Variants in ADAMTS17 observed in about 807,000 individuals in gnomAD.
ADAMTS17 encodes A disintegrin and metalloproteinase with thrombospondin motifs 17.
ADAMTS17 carries 113 observed loss-of-function variants against 141.5 expected under a neutral mutation model. The observed-to-expected ratio is 0.80, with a 90% CI of 0.69 to 0.93. The LOEUF (loss-of-function observed/expected upper bound fraction) is 0.93, where lower values mean the gene tolerates loss of function less well. Among genes scored for constraint, ADAMTS17 ranks in the 40% least tolerant of loss-of-function variants. The pLI, the probability that ADAMTS17 is intolerant of heterozygous loss-of-function variation, is 0.00. For synonymous variants in ADAMTS17, 768 were observed against 630.6 expected, an observed-to-expected ratio of 1.22 and a Z score of -3.27; for missense variants, 1,659 against 1,517.9, an observed-to-expected ratio of 1.09 and a Z score of -1.54.
chr15:100,046,340 C>T (rs1356266394), intron 18 of ADAMTS17, among the ~76,000 whole-genome samples: 2 of 152,170 alleles, frequency 1.3e-5, no homozygotes, highest in African/African-American at 4.8e-5. Context: ...GAAGCCAGGG[C>T]GTACTGTGAG....
rs2060818409 is a variant in ADAMTS17, at chr15:99,997,159, A to C, written c.2796+226T>G. ...ATTTTCATAGGAAATGGGATCAAAC[A>C]GTCCTTCACTGTGGTGTTGACATGT... On this transcript the variant is annotated intron_variant, in intron 19 of 21. Coordinates refer to ENST00000268070, the MANE Select transcript of ADAMTS17 (RefSeq NM_139057.4). This position sits in a 1 kb window ranked among gnomAD's most constrained non-coding sequence, Gnocchi z 4.7. Among the ~76,000 whole-genome samples the C allele has an allele frequency of 1.3e-5, 2 of 152,282 alleles. No homozygotes were observed. Among genetic ancestry groups the C allele is most frequent in the African/African-American group, 4.8e-5 (2 of 41,474 alleles).
chr15:100,121,398 T>C (rs529070850), intron 12 of ADAMTS17, among the ~76,000 whole-genome samples: 24 of 152,272 alleles, frequency 1.6e-4, no homozygotes, highest in African/African-American at 5.5e-4. Context: ...CTAAGACACA[T>C]TGTAATTAAA....
intron 8 of ADAMTS17, among the ~76,000 whole-genome samples, chr15:100,165,776 A>T (rs2039925641): frequency 6.6e-6 from 1 of 152,224 alleles, no homozygotes; most frequent in African/African-American, 2.4e-5. Context: ...GATATGAGGG[A>T]ACAAAGCCAG....
rs778009417 is a variant in ADAMTS17 at position 99,997,619 on chromosome 15, C to T, written c.2592-30G>A. The T allele has an allele frequency of 5.1e-5, 82 of 1,611,598 alleles. No homozygotes were observed. The Admixed American group carries it at 5.7e-4, about 11-fold the overall frequency. ...CAGACGGGAGGAAAGAGAGAGAGAA[C>T]GACTGGGTGAGAGGCCAGCCTCTCC... On this transcript the variant is annotated intron_variant, in intron 18 of 21. Coordinates refer to ENST00000268070, the MANE Select transcript of ADAMTS17 (RefSeq NM_139057.4). This position sits in a 1 kb window ranked among gnomAD's most constrained non-coding sequence, Gnocchi z 4.7.
At chr15:100,163,079 A>G (rs1454409362) in intron 8 of ADAMTS17, among the ~76,000 whole-genome samples, 1 of 149,792 alleles carries the variant, frequency 6.7e-6, no homozygotes, top group African/African-American at 2.5e-5. Flanking sequence ...TATACATATA[A>G]CTATATAGTT....
intron 8 of ADAMTS17, among the ~76,000 whole-genome samples, chr15:100,181,018 C>T (rs570282763): frequency 6.6e-6 from 1 of 152,328 alleles, no homozygotes; most frequent in South Asian, 2.1e-4. Context: ...TAAGCTGACA[C>T]TCAAACTAGA....
intron 15 of ADAMTS17, among the ~76,000 whole-genome samples, chr15:100,065,566 C>T (rs1462562139): frequency 1.3e-5 from 2 of 151,998 alleles, no homozygotes; most frequent in Non-Finnish European, 2.9e-5. Context: ...TTTACAAAAC[C>T]ACATTGTATG....
chr15:100,177,075 A>C (rs2040364837), intron 8 of ADAMTS17, among the ~76,000 whole-genome samples: 2 of 152,230 alleles, frequency 1.3e-5, no homozygotes, highest in Non-Finnish European at 2.9e-5. Flanking sequence ...TGTTATGAAT[A>C]TTCATGTGCA....
chr15:100,180,545 C>A (rs1284726415), intron 8 of ADAMTS17, among the ~76,000 whole-genome samples: 1 of 151,884 alleles, frequency 6.6e-6, no homozygotes, highest in Admixed American at 6.6e-5. Context: ...TTTTTTCTAT[C>A]TCTGTGAAGA....
intron 7 of ADAMTS17, among the ~76,000 whole-genome samples, chr15:100,250,686 T>C (rs1296633374): frequency 6.6e-6 from 1 of 152,104 alleles, no homozygotes; most frequent in Non-Finnish European, 1.5e-5. Context: ...TACAAAAGCA[T>C]ACCAACAAAT....
rs759581015 is a variant in ADAMTS17 at position 100,096,336 on chromosome 15, C to A, written c.2137+20G>T. On this transcript the variant is annotated intron_variant, in intron 15 of 21. Coordinates refer to ENST00000268070, the MANE Select transcript of ADAMTS17 (RefSeq NM_139057.4). ...ACACAAAACACTGTAGCCACAGCAG[C>A]CCCATGGGCCAACACTCACCTGTCC... 3 of 1,612,494 alleles carry A rather than the reference C, an allele frequency of 1.9e-6. No homozygotes were observed. The highest frequency in any genetic ancestry group is 2.5e-6 in the Non-Finnish European group (3 of 1,180,044).
intron 20 of ADAMTS17, among the ~76,000 whole-genome samples, chr15:99,984,216 C>G (rs2060537556): frequency 6.6e-6 from 1 of 152,204 alleles, no homozygotes; most frequent in African/African-American, 2.4e-5. Flanking sequence ...CGATGGCCTG[C>G]AGGGGCCGGG....
At chr15:100,158,132 C>T (rs907114517) in intron 8 of ADAMTS17, among the ~76,000 whole-genome samples, 4 of 152,132 alleles carry the variant, frequency 2.6e-5, no homozygotes, top group Non-Finnish European at 5.9e-5. Flanking sequence ...TGTGATCCGC[C>T]CGCCTCGGCC....
intron 3 of ADAMTS17, among the ~76,000 whole-genome samples, chr15:100,297,808 G>C (rs4965627): frequency 0.65 from 98,596 of 152,016 alleles, 33,284 homozygotes; most frequent in African/African-American, 0.84. Context: ...AGTTCCAGAC[G>C]AATCCTTTAG....
chr15:99,992,429 G>T (rs59036225), intron 20 of ADAMTS17, among the ~76,000 whole-genome samples: 4,259 of 152,236 alleles, frequency 0.028, 203 homozygotes, highest in African/African-American at 0.096. Flanking sequence ...GTGGCAGTGG[G>T]GCTCACCTTG....
chr15:100,089,542 T>C (rs938911481), intron 15 of ADAMTS17, among the ~76,000 whole-genome samples: 22 of 151,650 alleles, frequency 1.5e-4, no homozygotes, highest in African/African-American at 4.4e-4. Context: ...CATATGTTTA[T>C]TGTGGCACTA....
At position 99,997,710 on chromosome 15, in the gene ADAMTS17, G is replaced by T; in HGVS notation, c.2592-121C>A. 1 of 1,287,146 alleles carries T rather than the reference G, an allele frequency of 7.8e-7. No individual in the cohort carries two copies. 79.7% of individuals were successfully genotyped at this position (1,287,146 alleles called of 1,614,324 possible). On this transcript the variant is annotated intron_variant, in intron 18 of 21. Transcript: ENST00000268070. This position sits in a 1 kb window ranked among gnomAD's most constrained non-coding sequence, Gnocchi z 4.7. ...GTGGGAGAGAGGGAGGCAGACTCAGGAAGCTTTTCAGCCAACCCTGGACAT... is the reference window on the plus strand; with the variant it reads ...GTGGGAGAGAGGGAGGCAGACTCAGTAAGCTTTTCAGCCAACCCTGGACAT...
intron 4 of ADAMTS17, among the ~76,000 whole-genome samples, chr15:100,263,669 C>T (rs962256747): frequency 2.0e-5 from 3 of 152,178 alleles, no homozygotes; most frequent in African/African-American, 4.8e-5. Context: ...GCAGAGAAAA[C>T]AGGATTGCGA....
At chr15:100,131,421 T>G (rs898863891) in intron 12 of ADAMTS17, among the ~76,000 whole-genome samples, 6 of 148,464 alleles carry the variant, frequency 4.0e-5, no homozygotes, top group Non-Finnish European at 7.4e-5. Flanking sequence ...AAAAATCTGG[T>G]GATGGAATTA....
Sources: gnomAD v4.1 joint callset for allele counts (sites outside exome capture counted in the v4.1 genomes callset) on GRCh38, gnomAD v4.1.1 for gene constraint, Gnocchi (gnomAD v3.1) non-coding constraint, MANE v1.5 for transcripts, NCBI Gene and HGNC (gene_info 2026-07-23, HGNC 2026-07-21) for gene names.